Variants in CSNK1G2 observed in about 807,000 individuals in gnomAD.
CSNK1G2 encodes the protein casein kinase I isoform gamma-2.
Under a neutral mutation model 48.0 loss-of-function variants are expected in CSNK1G2, and 11 were observed. The ratio of observed to expected loss-of-function variants is 0.23; its 90% confidence interval spans 0.14 to 0.38. The LOEUF (loss-of-function observed/expected upper bound fraction) is 0.38. Ranked by LOEUF, CSNK1G2 falls within the 10% of genes least tolerant of loss-of-function variation. The pLI is 1.00. For missense variants in CSNK1G2, 446 were observed against 595.5 expected (o/e 0.75, Z 2.61); for synonymous variants, 337 against 254.1 (o/e 1.33, Z -3.10).
rs934383072 is a variant in CSNK1G2 at position 1,958,496 on chromosome 19, C to T, written c.-265-11012C>T. On this transcript the variant is annotated intron_variant, in intron 1 of 11. Coordinates refer to ENST00000255641, the MANE Select transcript of CSNK1G2 (RefSeq NM_001319.7). ...CATCTCCCCATCCCCCCGTCCAGGG[C>T]CGCAGCAGCTCAGCTCTCCCAGGCA... Among the ~76,000 whole-genome samples the T allele has an allele frequency of 8.0e-5, 10 of 125,024 alleles. No homozygotes were observed. The Admixed American group carries it at 8.1e-4, about 10-fold the overall frequency. The allele number at this position is 125,024 out of a possible 152,430, so 82.0% of individuals were successfully genotyped here. A position where few individuals can be genotyped will look rare whatever the true frequency, so the allele number is the denominator to read the frequency against.
chr19:1,941,450 C>CACCCCCT (rs1206199107), intron 1 of CSNK1G2, 32 bp downstream of exon 1: 1 of 146,142 alleles, frequency 6.8e-6, no homozygotes, highest in Non-Finnish European at 1.5e-5. Flanking sequence ...CCGGCCCCTT[C>CACCCCCT]GCCCCCTGCA....
chr19:1,975,108 G>A, intron 2 of CSNK1G2: 1 of 985,490 alleles, frequency 1.0e-6, no homozygotes, highest in Non-Finnish European at 1.2e-6. Flanking sequence ...TTCTTCCACA[G>A]TGCAGAGTAG....
intron 1 of CSNK1G2, among the ~76,000 whole-genome samples, chr19:1,946,915 C>T (rs900720547): frequency 2.6e-5 from 4 of 151,474 alleles, no homozygotes. Context: ...CCGGCCTATT[C>T]ATTTATTTAT....
chr19:1,968,451 G>A (rs2015453339), intron 1 of CSNK1G2, among the ~76,000 whole-genome samples: 1 of 152,180 alleles, frequency 6.6e-6, no homozygotes, highest in Non-Finnish European at 1.5e-5. Flanking sequence ...TGGGCTCCAT[G>A]CCAGCCGGGG....
rs768079956 is a variant in CSNK1G2, at chr19:1,980,307, C to G, written c.*104C>G. 4 of 1,439,990 alleles carry G rather than the reference C, an allele frequency of 2.8e-6. No individual in the cohort carries two copies. Among genetic ancestry groups the G allele is most frequent in the Non-Finnish European group, 3.9e-6 (4 of 1,034,806 alleles). The allele number at this position is 1,439,990 out of a possible 1,614,324, so 89.2% of individuals were successfully genotyped here. ...ACCCACAGCGGCCCAGGGCCAGACC[C>G]TGGCTGGAAGCCAGAACGCAGACTG... On this transcript the variant is annotated 3_prime_UTR_variant, in exon 12 of 12. Transcript: ENST00000255641.
intron 2 of CSNK1G2, among the ~76,000 whole-genome samples, chr19:1,973,348 G>A (rs1206493001): frequency 6.6e-6 from 1 of 152,058 alleles, no homozygotes; most frequent in Non-Finnish European, 1.5e-5. Context: ...AGCCTCCCAA[G>A]TAGATGAGAT....
chr19:1,962,788 G>GAC (rs71981538), intron 1 of CSNK1G2, among the ~76,000 whole-genome samples: 32,911 of 151,822 alleles, frequency 0.22, 5,975 homozygotes, highest in African/African-American at 0.5. Context: ...GCTCCTCAAA[G>GAC]ATGCACAGAT....
chr19:1,956,895 C>A (rs1166779421), intron 1 of CSNK1G2, among the ~76,000 whole-genome samples: 1 of 152,182 alleles, frequency 6.6e-6, no homozygotes, highest in Non-Finnish European at 1.5e-5. Flanking sequence ...GGCCAGGCGG[C>A]GGTTGATGGG....
chr19:1,946,492 C>T (rs186094363), intron 1 of CSNK1G2, among the ~76,000 whole-genome samples: 2,457 of 149,570 alleles, frequency 0.016, 61 homozygotes, highest in African/African-American at 0.057. Context: ...GGGGTTTCAC[C>T]GTGTTAGCCA....
chr19:1,948,214 C>CTG, intron 1 of CSNK1G2, among the ~76,000 whole-genome samples: 1 of 151,994 alleles, frequency 6.6e-6, no homozygotes, highest in Non-Finnish European at 1.5e-5. Context: ...GAGCCGGGCT[C>CTG]ACAGCGTTTC....
intron 8 of CSNK1G2, 30 bp from the exon 9 acceptor site, chr19:1,979,465 G>T (rs748753678): frequency 1.4e-6 from 1 of 691,434 alleles, no homozygotes; most frequent in African/African-American, 4.2e-5. Flanking sequence ...CCCCACCCCC[G>T]CCGAGGCCCC....
At chr19:1,943,101 G>A (rs1186915272) in intron 1 of CSNK1G2, among the ~76,000 whole-genome samples, 2 of 152,232 alleles carry the variant, frequency 1.3e-5, no homozygotes, top group Non-Finnish European at 2.9e-5. Flanking sequence ...AGGTCTGGGG[G>A]TGAGAGGCCA....
chr19:1,953,455 A>AT (rs1275202729), intron 1 of CSNK1G2: 1 of 534,464 alleles, frequency 1.9e-6, no homozygotes, highest in East Asian at 5.4e-5. Flanking sequence ...GCTTTTGTTG[A>AT]TGGCGTCTGA....
At chr19:1,952,933 G>A (rs367874771) in intron 1 of CSNK1G2, 380 of 444,002 alleles carry the variant, frequency 8.6e-4, no homozygotes, top group Admixed American at 1.3e-3. Flanking sequence ...GAGGGAAACC[G>A]GGGCGGGATG....
At chr19:1,960,435 C>T (rs1360127975) in intron 1 of CSNK1G2, among the ~76,000 whole-genome samples, 1 of 152,206 alleles carries the variant, frequency 6.6e-6, no homozygotes, top group East Asian at 1.9e-4. Context: ...AGGCTGGCCT[C>T]AGGCGGGGCC....
At chr19:1,967,427 G>T (rs2015398215) in intron 1 of CSNK1G2, among the ~76,000 whole-genome samples, 3 of 152,192 alleles carry the variant, frequency 2.0e-5, no homozygotes, top group Admixed American at 6.5e-5. Flanking sequence ...TTCAGTGAGG[G>T]TGGGGCTTCT....
rs1248131188 is a variant in CSNK1G2, at chr19:1,978,465, G to A, written c.252G>A (p.Pro84=). 1.9e-6 allele frequency: 3 copies of A among 1,606,240 alleles called. No homozygotes were observed. Among genetic ancestry groups the A allele is most frequent in the Middle Eastern group, 1.7e-4 (1 of 5,908 alleles). The change falls in exon 4 of 12, where the codon CCG becomes CCA. Residue 84 remains proline (P), a synonymous_variant. Coordinates refer to ENST00000255641, the MANE Select transcript of CSNK1G2 (RefSeq NM_001319.7). The surrounding 1 kb of genome is among the most constrained non-coding windows in gnomAD (Gnocchi z 7.3). ...AGGAGCCGATCAAGTCCCGGGCCCC[G>A]CAGCTGCACCTGGAGTACCGGTTCT... ...IKLEPIKSRA[P]QLHLEYRFYK... is the part of the protein sequence containing the mutation.
Position 1,979,744 on chromosome 19 carries a change from A to C in CSNK1G2, c.1003-8A>C, listed in dbSNP as rs1268797603. On this transcript the variant is annotated splice_region_variant and splice_polypyrimidine_tract_variant and intron_variant, in intron 9 of 11. Coordinates refer to ENST00000255641, the MANE Select transcript of CSNK1G2 (RefSeq NM_001319.7). ...AGCCCATCCTGACCCCTGCTCCCTC[A>C]CCCACAGCCGACCCCCATCGGCACC... is the stretch of plus-strand genomic sequence containing the variant. 6.2e-7 allele frequency: 1 copy of C among 1,604,482 alleles called. No individual in the cohort carries two copies. Among genetic ancestry groups the C allele is most frequent in the African/African-American group, 1.3e-5 (1 of 74,650 alleles).
At chr19:1,961,425 T>TG (rs2015196093) in intron 1 of CSNK1G2, among the ~76,000 whole-genome samples, 1 of 152,242 alleles carries the variant, frequency 6.6e-6, no homozygotes, top group Admixed American at 6.5e-5. Flanking sequence ...CAGCCCATGC[T>TG]GAGGAGCCTC....
Sources: allele counts gnomAD v4.1 joint callset (sites outside exome capture counted in the v4.1 genomes callset), GRCh38; gene constraint gnomAD v4.1.1; non-coding constraint Gnocchi (gnomAD v3.1); transcripts MANE v1.5; gene names NCBI Gene and HGNC (gene_info 2026-07-23, HGNC 2026-07-21).